CSMD3: variants seen among roughly 807,000 people sequenced by gnomAD.
CSMD3 encodes the protein CUB and sushi domain-containing protein 3.
Under a neutral mutation model 435.2 loss-of-function variants are expected in CSMD3, and 177 were observed. The ratio of observed to expected loss-of-function variants is 0.41; its 90% CI spans 0.36 to 0.46. CSMD3 has a LOEUF of 0.46. CSMD3 is among the 20% of genes least tolerant of loss of function. CSMD3 has a pLI of 0.34. For synonymous variants in CSMD3, 1,656 were observed against 1,520.5 expected (o/e 1.09, Z -2.07); for missense variants, 4,265 against 4,504.6 (o/e 0.95, Z 1.52).
At position 112,726,147 on chromosome 8, in the gene CSMD3, G is replaced by T. The variant is rs79635617; in HGVS notation, c.1973-36097C>A. Among the ~76,000 whole-genome samples, 558 of 152,064 alleles carry T rather than the reference G, an allele frequency of 3.7e-3. 4 individuals are homozygous for T. Among genetic ancestry groups the T allele is most frequent in the African/African-American group, 0.012 (490 of 41,548 alleles). On this transcript the variant is annotated intron_variant, in intron 13 of 70. Coordinates refer to ENST00000297405, the MANE Select transcript of CSMD3 (RefSeq NM_198123.2). ...TCACTCAATATTAGGAGAACAGTAT[G>T]TGGGAAACCAATCCTATGATTCAAT...
intron 38 of CSMD3, among the ~76,000 whole-genome samples, chr8:112,356,793 C>T (rs1178952253): frequency 6.6e-6 from 1 of 152,062 alleles, no homozygotes; most frequent in Non-Finnish European, 1.5e-5. Flanking sequence ...ACTGCTGTCA[C>T]CCATGTAAGA....
chr8:112,937,739 CCAATG>C (rs965511896), intron 9 of CSMD3, among the ~76,000 whole-genome samples: 2 of 151,998 alleles, frequency 1.3e-5, no homozygotes, highest in Non-Finnish European at 2.9e-5. Flanking sequence ...ATTGCAAAGA[CCAATG>C]CAATTACTAC....
At chr8:113,101,394 A>G (rs2131558017) in intron 4 of CSMD3, among the ~76,000 whole-genome samples, 1 of 152,240 alleles carries the variant, frequency 6.6e-6, no homozygotes, top group Admixed American at 6.5e-5. Context: ...CTCTGTGGAA[A>G]TGCAGTTTCT....
At chr8:112,410,592 A>ATATATATGTGTATATATATATATG (rs1832262986) in intron 32 of CSMD3, among the ~76,000 whole-genome samples, 1 of 108,014 alleles carries the variant, frequency 9.3e-6, no homozygotes, top group African/African-American at 3.6e-5. Context: ...ATACATATGT[A>ATATATATGTGTATATATATATATG]TATATATATG....
chr8:113,372,476 T>C (rs917616163), intron 1 of CSMD3, among the ~76,000 whole-genome samples: 8 of 152,244 alleles, frequency 5.3e-5, no homozygotes, highest in Non-Finnish European at 7.4e-5. Flanking sequence ...ATTTCTAGTG[T>C]TTCCTGAGTT....
intron 4 of CSMD3, among the ~76,000 whole-genome samples, chr8:113,136,428 T>C (rs2091420471): frequency 6.6e-6 from 1 of 151,488 alleles, no homozygotes; most frequent in African/African-American, 2.4e-5. Flanking sequence ...TGAGTAATTT[T>C]TTATGGTTAG....
At chr8:113,389,326 A>G (rs2094452073) in intron 1 of CSMD3, among the ~76,000 whole-genome samples, 1 of 151,702 alleles carries the variant, frequency 6.6e-6, no homozygotes, top group South Asian at 2.1e-4. Flanking sequence ...TCTAAAGCTA[A>G]AAACAATAAA....
At chr8:112,580,382 G>A (rs1245503771) in intron 23 of CSMD3, among the ~76,000 whole-genome samples, 1 of 151,912 alleles carries the variant, frequency 6.6e-6, no homozygotes, top group Non-Finnish European at 1.5e-5. Flanking sequence ...AAATTAGTTA[G>A]GTTCTGATTT....
In CSMD3 at chr8:113,023,007, T is replaced by C. The variant is rs558049466; in HGVS notation, c.918-3828A>G. 1.6e-3 allele frequency among the ~76,000 whole-genome samples: 248 copies of C among 152,188 alleles called. 1 individual carries two copies. The highest frequency in any genetic ancestry group is 5.7e-3 in the African/African-American group (237 of 41,562). ...TGTAATTATAATCCTTACAACATGA[T>C]TTTAAGAATTAGTTAAACATAAGAA... On this transcript the variant is annotated intron_variant, in intron 5 of 70. Coordinates refer to ENST00000297405, the MANE Select transcript of CSMD3 (RefSeq NM_198123.2).
At chr8:112,528,680 T>A (rs1410869734) in intron 27 of CSMD3, among the ~76,000 whole-genome samples, 1 of 152,042 alleles carries the variant, frequency 6.6e-6, no homozygotes, top group Non-Finnish European at 1.5e-5. Context: ...AGAAACTAAG[T>A]GAAAGGCTCC....
intron 3 of CSMD3, among the ~76,000 whole-genome samples, chr8:113,233,566 A>C (rs2093114218): frequency 1.3e-5 from 2 of 151,266 alleles, no homozygotes; most frequent in Non-Finnish European, 3.0e-5. Context: ...CTAGATATTA[A>C]CTCCACTATA....
chr8:113,296,018 A>T (rs2093718473), intron 2 of CSMD3, among the ~76,000 whole-genome samples: 1 of 152,070 alleles, frequency 6.6e-6, no homozygotes, highest in East Asian at 1.9e-4. Context: ...GAAGGTGGAA[A>T]CCATCATTCT....
At chr8:113,049,754 G>A (rs774468658) in intron 5 of CSMD3, among the ~76,000 whole-genome samples, 2 of 152,100 alleles carry the variant, frequency 1.3e-5, no homozygotes, top group Non-Finnish European at 2.9e-5. Context: ...ATGTAAAAAG[G>A]AGAAGCAATT....
At position 112,254,336 on chromosome 8, in the gene CSMD3, A is replaced by C. The variant is rs1815581349; in HGVS notation, c.10037-10T>G. On this transcript the variant is annotated splice_polypyrimidine_tract_variant and intron_variant, in intron 62 of 70. Coordinates refer to ENST00000297405, the MANE Select transcript of CSMD3 (RefSeq NM_198123.2). ...GAGGTTTGGGTAGGCTCTAAAATGA[A>C]GATTAAAAAGATATTAGTCCTTTAA... 6.3e-7 allele frequency: 1 copy of C among 1,587,792 alleles called. No homozygotes were observed. Among genetic ancestry groups the C allele is most frequent in the Non-Finnish European group, 8.6e-7 (1 of 1,156,400 alleles).
At chr8:113,233,172 A>C (rs1017267351) in intron 3 of CSMD3, among the ~76,000 whole-genome samples, 1 of 151,748 alleles carries the variant, frequency 6.6e-6, no homozygotes, top group Admixed American at 6.6e-5. Context: ...TTGAATTGAA[A>C]TTATTTCCAA....
At chr8:112,579,174 C>A (rs930640922) in intron 23 of CSMD3, among the ~76,000 whole-genome samples, 2 of 151,950 alleles carry the variant, frequency 1.3e-5, no homozygotes, top group African/African-American at 4.8e-5. Context: ...ATATGAGCAA[C>A]TAATTTGGTT....
intron 24 of CSMD3, among the ~76,000 whole-genome samples, chr8:112,572,037 TA>T (rs769667339): frequency 9.6e-4 from 140 of 145,178 alleles, no homozygotes; most frequent in Middle Eastern, 3.5e-3. Flanking sequence ...ACAGCATATT[TA>T]AAAAAAAAAA....
At chr8:113,180,683 A>G (rs1282125727) in intron 3 of CSMD3, among the ~76,000 whole-genome samples, 1 of 152,096 alleles carries the variant, frequency 6.6e-6, no homozygotes, top group Non-Finnish European at 1.5e-5. Flanking sequence ...ATACAAAATA[A>G]TAGAGTGGAA....
At chr8:112,335,657 T>A (rs1824485959) in intron 44 of CSMD3, among the ~76,000 whole-genome samples, 183 bp from the exon 45 acceptor site, 1 of 152,088 alleles carries the variant, frequency 6.6e-6, no homozygotes, top group Non-Finnish European at 1.5e-5. Flanking sequence ...CACATATTTT[T>A]AAATGTCAAG....
Sources: allele counts gnomAD v4.1 joint callset (sites outside exome capture counted in the v4.1 genomes callset), GRCh38; gene constraint gnomAD v4.1.1; transcripts MANE v1.5; gene names NCBI Gene and HGNC (gene_info 2026-07-23, HGNC 2026-07-21).